Variants in PTPRT observed in about 807,000 individuals in gnomAD.
PTPRT encodes protein tyrosine phosphatase receptor type T, also known as receptor-type tyrosine-protein phosphatase T.
A neutral mutation model predicts 176.8 loss-of-function variants in PTPRT; 56 were observed. That is an observed-to-expected ratio of 0.32 (90% CI 0.26 to 0.40). The LOEUF (loss-of-function observed/expected upper bound fraction) is 0.40. Among genes scored for constraint, PTPRT ranks in the 10% least tolerant of loss-of-function variants. The probability of loss-of-function intolerance (pLI) is 1.00; values close to 1 mark genes in which losing one functional copy is unlikely to be tolerated. For synonymous variants in PTPRT, 783 were observed against 739.0 expected, an observed-to-expected ratio of 1.06 and a Z score of -0.96; for missense variants, 1,540 against 1,908.2, an observed-to-expected ratio of 0.81 and a Z score of 3.60.
intron 13 of PTPRT, among the ~76,000 whole-genome samples, chr20:42,273,194 C>A (rs2056969027): frequency 6.6e-6 from 1 of 152,128 alleles, no homozygotes; most frequent in Admixed American, 6.5e-5. Flanking sequence ...CTTACATTAG[C>A]CCTGTGCAGT....
chr20:42,273,391 TTTTA>T (rs2056973098), intron 13 of PTPRT, among the ~76,000 whole-genome samples: 2 of 152,278 alleles, frequency 1.3e-5, no homozygotes, highest in African/African-American at 2.4e-5. Context: ...AATTTTGTAT[TTTTA>T]GTGGAGATGG....
intron 7 of PTPRT, among the ~76,000 whole-genome samples, chr20:42,564,043 CAG>C (rs149867531): frequency 1.3e-5 from 2 of 152,286 alleles, no homozygotes; most frequent in East Asian, 3.9e-4. Context: ...AGGGAAGAAA[CAG>C]TGGGGGTGGG....
the PTPRT span, among the ~76,000 whole-genome samples, chr20:42,035,878 C>T: frequency 6.6e-6 from 1 of 152,166 alleles, no homozygotes; most frequent in African/African-American, 2.4e-5. Context: ...ACTGAATGCA[C>T]TAGATTGCAA....
chr20:42,567,278 C>CA lies in PTPRT; in HGVS notation c.1154-94717dup, dbSNP rs111570407. On this transcript the variant is annotated intron_variant, in intron 7 of 30. Transcript: ENST00000373187. ...AACAAGAGTGAAACTCCATCTCAAACAAAAAAAAATAAAAGAGAGAGAGAG... is the reference window on the plus strand; with the variant it reads ...AACAAGAGTGAAACTCCATCTCAAACAAAAAAAAAATAAAAGAGAGAGAGAG... 2.2e-3 allele frequency among the ~76,000 whole-genome samples: 283 copies of CA among 129,252 alleles called. 4 individuals carry two copies. Among genetic ancestry groups the CA allele is most frequent in the East Asian group, 0.014 (65 of 4,504 alleles). 84.8% of individuals were successfully genotyped at this position (129,252 alleles called of 152,430 possible).
At chr20:42,444,829 G>A (rs1046716184) in intron 9 of PTPRT, among the ~76,000 whole-genome samples, 7 of 152,200 alleles carry the variant, frequency 4.6e-5, no homozygotes, top group South Asian at 2.1e-4. Context: ...AATTAAATTT[G>A]TAAATTGCCT....
intron 1 of PTPRT, among the ~76,000 whole-genome samples, chr20:42,992,762 T>C (rs1197141504): frequency 6.6e-6 from 1 of 152,220 alleles, no homozygotes; most frequent in African/African-American, 2.4e-5. Flanking sequence ...TGGGCAGTTC[T>C]GGCTTGATGT....
intron 18 of PTPRT, among the ~76,000 whole-genome samples, chr20:42,138,918 TC>T (rs1988499320): frequency 6.6e-6 from 1 of 152,226 alleles, no homozygotes; most frequent in African/African-American, 2.4e-5. Flanking sequence ...TGGGCCTTTG[TC>T]CTCCACTCCA....
At chr20:42,588,410 C>T (rs991198069) in intron 7 of PTPRT, among the ~76,000 whole-genome samples, 1 of 152,030 alleles carries the variant, frequency 6.6e-6, no homozygotes, top group African/African-American at 2.4e-5. Flanking sequence ...TTTTGTGCCA[C>T]TATACCCAGC....
chr20:42,344,329 C>G (rs558468250), intron 11 of PTPRT, among the ~76,000 whole-genome samples: 1 of 152,198 alleles, frequency 6.6e-6, no homozygotes, highest in Non-Finnish European at 1.5e-5. Flanking sequence ...AAAATAAGTA[C>G]CTGCTTCCAG....
chr20:42,259,848 G>A (rs980440294), intron 13 of PTPRT, among the ~76,000 whole-genome samples: 1 of 152,160 alleles, frequency 6.6e-6, no homozygotes, highest in Non-Finnish European at 1.5e-5. Context: ...GTAGCCCATG[G>A]CCATGAAAAT....
chr20:42,915,965 T>TTTA (rs1418394433), intron 1 of PTPRT, among the ~76,000 whole-genome samples: 8 of 151,788 alleles, frequency 5.3e-5, no homozygotes, highest in African/African-American at 1.9e-4. Flanking sequence ...TGTTGTTGTT[T>TTTA]TTATTATTAT....
intron 2 of PTPRT, among the ~76,000 whole-genome samples, chr20:42,807,929 T>G (rs1379687211): frequency 2.0e-5 from 3 of 152,202 alleles, no homozygotes; most frequent in African/African-American, 7.2e-5. Flanking sequence ...TGCCCAGGTC[T>G]CTCTTTAAAG....
At chr20:43,063,832 C>A (rs774591886) in intron 1 of PTPRT, among the ~76,000 whole-genome samples, 4 of 152,162 alleles carry the variant, frequency 2.6e-5, no homozygotes, top group African/African-American at 7.2e-5. Flanking sequence ...AGGTGTTAGG[C>A]TCCATTCTGA....
chr20:42,283,425 G>A (rs2147059975), intron 12 of PTPRT, among the ~76,000 whole-genome samples: 1 of 152,204 alleles, frequency 6.6e-6, no homozygotes, highest in South Asian at 2.1e-4. Flanking sequence ...CATTCACAAA[G>A]AACCATTGCA....
intron 2 of PTPRT, among the ~76,000 whole-genome samples, chr20:42,823,026 C>G (rs1317789964): frequency 1.3e-5 from 2 of 152,154 alleles, no homozygotes; most frequent in Non-Finnish European, 1.5e-5. Context: ...ACCCAGCAAT[C>G]CCATTACTGG....
At chr20:43,123,495 C>T (rs184279587) in intron 1 of PTPRT, among the ~76,000 whole-genome samples, 1 of 152,138 alleles carries the variant, frequency 6.6e-6, no homozygotes, top group Non-Finnish European at 1.5e-5. Flanking sequence ...AGAGAGAACA[C>T]GCCCTTTTCT....
intron 3 of PTPRT, 54 bp downstream of exon 3, chr20:42,791,141 G>T (rs1569159066): frequency 6.6e-7 from 1 of 1,525,366 alleles, no homozygotes; most frequent in Non-Finnish European, 8.8e-7. Flanking sequence ...GAGAGCAAAG[G>T]TGTATAGATT....
intron 6 of PTPRT, chr20:42,687,993 A>G (rs1340366743): frequency 1.3e-5 from 2 of 152,206 alleles, no homozygotes; most frequent in Non-Finnish European, 2.9e-5. Flanking sequence ...AGGAGACTAA[A>G]GGAGTGTGCT....
chr20:42,707,530 A>C (rs541049437), intron 6 of PTPRT, among the ~76,000 whole-genome samples: 13 of 152,262 alleles, frequency 8.5e-5, no homozygotes, highest in Admixed American at 2.6e-4. Flanking sequence ...GGCTTTGAAG[A>C]TGAAGGAAGC....
Sources: gnomAD v4.1 joint callset for allele counts (sites outside exome capture counted in the v4.1 genomes callset) on GRCh38, gnomAD v4.1.1 for gene constraint, MANE v1.5 for transcripts, NCBI Gene and HGNC (gene_info 2026-07-23, HGNC 2026-07-21) for gene names.